The following LINGO2 variants were observed in gnomAD, a reference collection of about 807,000 sequenced individuals.
LINGO2 encodes leucine-rich repeat and immunoglobulin-like domain-containing nogo receptor-interacting protein 2.
Under a neutral mutation model 30.6 loss-of-function variants are expected in LINGO2, and 14 were observed. That is an observed-to-expected ratio of 0.46 (90% CI 0.30 to 0.72). LINGO2 has a LOEUF of 0.72. LINGO2 is among the 30% of genes least tolerant of loss of function. LINGO2 has a pLI of 0.07. For synonymous variants in LINGO2, 317 were observed against 288.5 expected, an observed-to-expected ratio of 1.10 and a Z score of -1.00; for missense variants, 729 against 751.7, an observed-to-expected ratio of 0.97 and a Z score of 0.35.
chr9:29,067,618 TGTGCTATGTTG>T, the LINGO2 span, among the ~76,000 whole-genome samples: 1 of 151,312 alleles, frequency 6.6e-6, no homozygotes, highest in Non-Finnish European at 1.5e-5. Context: ...TAAATGTCAG[TGTGCTATGTTG>T]GAAATACTTA....
the LINGO2 span, among the ~76,000 whole-genome samples, chr9:29,145,596 C>A: frequency 8.9e-4 from 136 of 152,190 alleles, no homozygotes; most frequent in African/African-American, 3.2e-3. Context: ...CTAAGCCAAG[C>A]AATCAACCAA....
At chr9:29,163,209 G>C in the LINGO2 span, among the ~76,000 whole-genome samples, 79 of 152,222 alleles carry the variant, frequency 5.2e-4, no homozygotes, top group African/African-American at 1.8e-3. Flanking sequence ...TGAGGATGTA[G>C]CTCAGATCAA....
At chr9:28,622,716 T>A (rs371217567) in intron 1 of LINGO2, among the ~76,000 whole-genome samples, 1 of 147,140 alleles carries the variant, frequency 6.8e-6, no homozygotes, top group Non-Finnish European at 1.5e-5. Flanking sequence ...TGCTGGATCA[T>A]ATGGCAGCTC....
chr9:29,157,988 C>T, the LINGO2 span, among the ~76,000 whole-genome samples: 22 of 152,094 alleles, frequency 1.4e-4, no homozygotes, highest in Non-Finnish European at 8.8e-5. Flanking sequence ...TTGTTCCCTA[C>T]ATGATTCAGA....
chr9:28,142,411 A>G (rs1827699150), intron 4 of LINGO2, among the ~76,000 whole-genome samples: 1 of 152,142 alleles, frequency 6.6e-6, no homozygotes, highest in African/African-American at 2.4e-5. Flanking sequence ...TTATGTAGCA[A>G]TGGGTAAGAT....
intron 2 of LINGO2, among the ~76,000 whole-genome samples, chr9:28,443,431 G>T (rs73644044): frequency 0.018 from 2,790 of 152,270 alleles, 97 homozygotes; most frequent in African/African-American, 0.061. Flanking sequence ...TGGGGCAGGA[G>T]CCCCATATTC....
At chr9:29,083,019 G>A in the LINGO2 span, among the ~76,000 whole-genome samples, 60 of 152,300 alleles carry the variant, frequency 3.9e-4, no homozygotes, top group Non-Finnish European at 8.8e-5. Flanking sequence ...GTGGAAGTCA[G>A]TGTGGCGATT....
chr9:28,964,097 TAC>T, the LINGO2 span, among the ~76,000 whole-genome samples: 1 of 151,346 alleles, frequency 6.6e-6, no homozygotes, highest in African/African-American at 2.4e-5. Flanking sequence ...TACATATATG[TAC>T]ACACACACGC....
At chr9:28,437,889 A>C (rs1335845571) in intron 2 of LINGO2, among the ~76,000 whole-genome samples, 2 of 152,134 alleles carry the variant, frequency 1.3e-5, no homozygotes, top group Non-Finnish European at 1.5e-5. Flanking sequence ...TAACAGTTTA[A>C]TTTTTAGTGT....
chr9:28,310,611 C>G (rs1394630004), intron 3 of LINGO2, among the ~76,000 whole-genome samples: 1 of 152,084 alleles, frequency 6.6e-6, no homozygotes, highest in Non-Finnish European at 1.5e-5. Context: ...CACAAGAAAA[C>G]TTGTGAGGGT....
chr9:28,244,699 T>G (rs1230427536), intron 4 of LINGO2, among the ~76,000 whole-genome samples: 1 of 151,194 alleles, frequency 6.6e-6, no homozygotes, highest in Non-Finnish European at 1.5e-5. Context: ...CTAGAAAATC[T>G]AAAAGAAATG....
chr9:28,458,083 T>G (rs930344066), intron 2 of LINGO2, among the ~76,000 whole-genome samples: 4 of 152,136 alleles, frequency 2.6e-5, no homozygotes, highest in Non-Finnish European at 5.9e-5. Flanking sequence ...GGAAATTGAC[T>G]TGATGCAGAT....
chr9:28,705,104 T>A, the LINGO2 span, among the ~76,000 whole-genome samples: 1 of 151,948 alleles, frequency 6.6e-6, no homozygotes, highest in East Asian at 1.9e-4. Context: ...TTTTGTAGAG[T>A]TTGAGTTTCT....
chr9:28,729,359 A>G, the LINGO2 span, among the ~76,000 whole-genome samples: 13 of 152,300 alleles, frequency 8.5e-5, no homozygotes, highest in Non-Finnish European at 1.3e-4. Flanking sequence ...TAAAATTAAG[A>G]TATTCCATAC....
the LINGO2 span, among the ~76,000 whole-genome samples, chr9:28,896,982 ACGC>A: frequency 9.1e-4 from 139 of 152,270 alleles, no homozygotes; most frequent in Middle Eastern, 0.014. Context: ...AATCACTAAT[ACGC>A]AGCTTACAAT....
rs534652903 is a variant in LINGO2 at position 28,077,312 on chromosome 9, G to T, written c.-86-64907C>A. Among the ~76,000 whole-genome samples, 5 of 152,228 alleles carry T rather than the reference G, an allele frequency of 3.3e-5. No individual in the cohort carries two copies. The South Asian group carries it at 1.0e-3, about 32-fold the overall frequency. On this transcript the variant is annotated intron_variant, in intron 4 of 5. Transcript: ENST00000379992. ...AGAGATAGAGTTTGTTGAGTATGAT[G>T]AATTATTTCCCAGAAAATCATGAAA...
chr9:28,375,121 CACACACACACACAT>C (rs1290694171), intron 2 of LINGO2, among the ~76,000 whole-genome samples: 32 of 103,616 alleles, frequency 3.1e-4, no homozygotes, highest in African/African-American at 9.0e-4. Context: ...CACACACACA[CACACACACACACAT>C]ACACCCCACA....
chr9:29,062,981 C>T, the LINGO2 span, among the ~76,000 whole-genome samples: 2 of 152,116 alleles, frequency 1.3e-5, no homozygotes, highest in African/African-American at 4.8e-5. Flanking sequence ...TTGGCTCTCT[C>T]AGCCCTACTG....
chr9:28,280,089 G>A (rs1043745419), intron 4 of LINGO2, among the ~76,000 whole-genome samples: 5 of 152,090 alleles, frequency 3.3e-5, no homozygotes, highest in African/African-American at 1.2e-4. Flanking sequence ...TTGAGAGAAT[G>A]CTAAATGGAG....
Sources: allele counts gnomAD v4.1 joint callset (sites outside exome capture counted in the v4.1 genomes callset), GRCh38; gene constraint gnomAD v4.1.1; transcripts MANE v1.5; gene names NCBI Gene and HGNC (gene_info 2026-07-23, HGNC 2026-07-21).